Variants in DNAH1 observed in about 807,000 individuals in gnomAD.
DNAH1 encodes the protein dynein axonemal heavy chain 1, also known as axonemal beta dynein heavy chain 1.
In DNAH1, 327 loss-of-function variants were observed where a neutral mutation model predicts 484.3. The ratio of observed to expected loss-of-function variants is 0.68; its 90% CI spans 0.62 to 0.74. DNAH1 has a LOEUF of 0.74. Among genes scored for constraint, DNAH1 ranks in the 30% least tolerant of loss-of-function variants. The probability of loss-of-function intolerance (pLI) is 0.00; values close to 1 mark genes in which losing one functional copy is unlikely to be tolerated. For missense variants in DNAH1, 5,052 were observed against 5,546.8 expected (o/e 0.91, Z 2.83); for synonymous variants, 2,192 against 2,191.9 (o/e 1.00, Z 0.00).
intron 77 of DNAH1, 47 bp downstream of exon 77, chr3:52,399,826 A>G: frequency 6.3e-7 from 1 of 1,576,650 alleles, no homozygotes; most frequent in Non-Finnish European, 8.7e-7. Context: ...GGGACCCAGG[A>G]CTAACCCAGC....
Position 52,375,937 on chromosome 3 carries a change from T to C in DNAH1, c.7160-18T>C, listed in dbSNP as rs778102362. ...TCCACCTAACCCTGAGCCCCGTGTT[T>C]CTCCCTCCATCCTCTAGATGGACTC... On this transcript the variant is annotated intron_variant, in intron 45 of 77. Transcript: ENST00000420323. The C allele has an allele frequency of 1.2e-6, 2 of 1,611,638 alleles. No individual in the cohort carries two copies. The highest frequency in any genetic ancestry group is 1.7e-6 in the Non-Finnish European group (2 of 1,179,220).
In DNAH1 at chr3:52,373,873, G is replaced by A. The variant is rs533369838; in HGVS notation, c.6985+820G>A. On this transcript the variant is annotated intron_variant, in intron 44 of 77. Coordinates refer to ENST00000420323, the MANE Select transcript of DNAH1 (RefSeq NM_015512.5). Reference sequence around the variant, plus strand: ...CATATGTTTGCAGTTAACATGTTTCGAATATTACCACCTTCCTCCAATCCT... The same window carrying A: ...CATATGTTTGCAGTTAACATGTTTCAAATATTACCACCTTCCTCCAATCCT... 42 of 1,399,270 alleles carry A rather than the reference G, an allele frequency of 3.0e-5. 1 individual carries two copies. The Middle Eastern group carries it at 1.1e-3, about 36-fold the overall frequency. 86.7% of individuals were successfully genotyped at this position (1,399,270 alleles called of 1,614,324 possible).
rs1396955038 is a variant in DNAH1, at chr3:52,346,475, C to G, written c.1660C>G (p.Gln554Glu). 6.2e-7 allele frequency: 1 copy of G among 1,608,426 alleles called. No individual in the cohort carries two copies. Among genetic ancestry groups the G allele is most frequent in the Non-Finnish European group, 8.5e-7 (1 of 1,177,024 alleles). Reference protein sequence around the residue: ...QIQSQTFSQVQMFLKDSWISS... With the variant: ...QIQSQTFSQVEMFLKDSWISS... ...ATGATGCCTGTGGCCACTCTAGGTG[C>G]AGATGTTCCTCAAGGACAGCTGGAT... The change falls in exon 11 of 78, where the codon CAG (glutamine) becomes GAG (glutamate). Residue 554 changes from glutamine (Q) to glutamate (E), a missense_variant. Physicochemically the swap from Gln to Glu is conservative, Grantham distance 29. This residue lies in a region of DNAH1 where 1,263 missense variants were observed against 1,218.8 expected (regional missense o/e 1.04). Transcript: ENST00000420323.
Position 52,359,310 on chromosome 3 carries a change from A to C in DNAH1, c.4331A>C (p.Tyr1444Ser), listed in dbSNP as rs1443648868. Residue 1444 changes from tyrosine (Y) to serine (S), a missense_variant, in exon 26 of 78, where the codon TAC (tyrosine) becomes TCC (serine). By Grantham distance (144) the Tyr-to-Ser change is moderately radical. Transcript: ENST00000420323. ...GQVTIAGCQT[Y>S]WTMEVAEALE... ...GTGACCATCGCTGGGTGCCAGACCT[A>C]CTGGACCATGGAGGTGGCAGAGGCT... 1.3e-6 allele frequency: 2 copies of C among 1,569,414 alleles called. No homozygotes were observed. Among genetic ancestry groups the C allele is most frequent in the Admixed American group, 3.7e-5 (2 of 54,358 alleles).
chr3:52,360,425 G>A lies in DNAH1; in HGVS notation c.4685+1G>A. The A allele has an allele frequency of 6.2e-7, 1 of 1,612,188 alleles. No homozygotes were observed. Among genetic ancestry groups the A allele is most frequent in the Non-Finnish European group, 8.5e-7 (1 of 1,178,486 alleles). On this transcript the variant is annotated splice_donor_variant, in intron 28 of 77. Transcript: ENST00000420323. LOFTEE classifies it high-confidence loss of function. ...TGGTGATCACGCCCCTCACCGACAGGTAAGCGTTCCCCTCTTGCTCCTTCC... is the reference window on the plus strand; with the variant it reads ...TGGTGATCACGCCCCTCACCGACAGATAAGCGTTCCCCTCTTGCTCCTTCC...
At position 52,362,339 on chromosome 3, in the gene DNAH1, C is replaced by A. The variant is rs1302380222; in HGVS notation, c.4981-49C>A. On this transcript the variant is annotated intron_variant, in intron 30 of 77. Coordinates refer to ENST00000420323, the MANE Select transcript of DNAH1 (RefSeq NM_015512.5). The surrounding 1 kb of genome is among the most constrained non-coding windows in gnomAD (Gnocchi z 5.1). Reference sequence around the variant, plus strand: ...CAAGGGGCCCACTCAGAGGAGGGGACAAGGCTGGGCACCCTAGTCCCAGGC... The same window carrying A: ...CAAGGGGCCCACTCAGAGGAGGGGAAAAGGCTGGGCACCCTAGTCCCAGGC... 7 of 1,539,864 alleles carry A rather than the reference C, an allele frequency of 4.5e-6. No homozygotes were observed. The East Asian group carries it at 1.6e-4, about 35-fold the overall frequency.
At chr3:52,313,295 A>T (rs1037140673), upstream of DNAH1, among the ~76,000 whole-genome samples, 1 of 152,250 alleles carries the variant, frequency 6.6e-6, no homozygotes, top group Non-Finnish European at 1.5e-5. Context: ...CCTGCCTGCC[A>T]GCTCCCTGAT....
Position 52,379,866 on chromosome 3 carries a change from G to A in DNAH1, c.7378-39G>A. On this transcript the variant is annotated intron_variant, in intron 47 of 77. Transcript: ENST00000420323. This position sits in a 1 kb window ranked among gnomAD's most constrained non-coding sequence, Gnocchi z 4.4. ...TGGTTTGAGAGATAGCTGAGGGCTT[G>A]GGGGCCAAGGACAGGCACCGATGCT... 2 of 1,522,602 alleles carry A rather than the reference G, an allele frequency of 1.3e-6. No homozygotes were observed. Among genetic ancestry groups the A allele is most frequent in the Non-Finnish European group, 1.8e-6 (2 of 1,125,320 alleles). The allele number at this position is 1,522,602 out of a possible 1,614,324, so 94.3% of individuals were successfully genotyped here. A position where few individuals can be genotyped will look rare whatever the true frequency, so the allele number is the denominator to read the frequency against.
chr3:52,320,416 A>G (rs55965068), intron 1 of DNAH1, among the ~76,000 whole-genome samples: 29,574 of 152,206 alleles, frequency 0.19, 3,388 homozygotes, highest in African/African-American at 0.31. Flanking sequence ...TTTGGGCTGA[A>G]TGTCTGGGGC....
At chr3:52,356,364 C>G (rs1702608482) in intron 21 of DNAH1, among the ~76,000 whole-genome samples, 1 of 152,162 alleles carries the variant, frequency 6.6e-6, no homozygotes, top group African/African-American at 2.4e-5. Context: ...TCCCCCGGCT[C>G]CTTTGGAGGC....
At position 52,367,015 on chromosome 3, in the gene DNAH1, T is replaced by C. The variant is rs1703110199; in HGVS notation, c.5765+128T>C. On this transcript the variant is annotated intron_variant, in intron 36 of 77. Transcript: ENST00000420323. ...CTCTGCAGCCCAACGCTTGGGATTCTATTCTCCATTCTACTTCCTCGCTGA... is the reference window on the plus strand; with the variant it reads ...CTCTGCAGCCCAACGCTTGGGATTCCATTCTCCATTCTACTTCCTCGCTGA... 2.0e-5 allele frequency: 23 copies of C among 1,178,228 alleles called. No homozygotes were observed. The South Asian group carries it at 3.6e-4, about 18-fold the overall frequency. 73.0% of individuals were successfully genotyped at this position (1,178,228 alleles called of 1,614,324 possible).
chr3:52,374,323 C>T, intron 44 of DNAH1: 1 of 1,534,460 alleles, frequency 6.5e-7, no homozygotes, highest in Non-Finnish European at 9.0e-7. Flanking sequence ...TACCTTTGCA[C>T]AAAGTGAAAT....
At chr3:52,359,213 G>T in intron 25 of DNAH1, 33 bp from the exon 26 acceptor site, 1 of 1,553,860 alleles carries the variant, frequency 6.4e-7, no homozygotes, top group Non-Finnish European at 8.7e-7. Context: ...GGCTGCGGCT[G>T]TCCAGGTCAG....
At chr3:52,330,049 A>G (rs1578080652) in intron 6 of DNAH1, among the ~76,000 whole-genome samples, 3 of 152,204 alleles carry the variant, frequency 2.0e-5, no homozygotes, top group South Asian at 2.1e-4. Flanking sequence ...AGCTCAGGCA[A>G]TCCGCCCACC....
At position 52,364,205 on chromosome 3, in the gene DNAH1, G is replaced by A. The variant is rs931335472; in HGVS notation, c.5245-433G>A. ...TGTAATGAAGAGAAACAGGCTGGGG[G>A]AAAAAGCATGGTGGTGTGGCCAGAA... is the stretch of plus-strand genomic sequence containing the variant. On this transcript the variant is annotated intron_variant, in intron 32 of 77. Coordinates refer to ENST00000420323, the MANE Select transcript of DNAH1 (RefSeq NM_015512.5). The surrounding 1 kb of genome is among the most constrained non-coding windows in gnomAD (Gnocchi z 4.2). 1.3e-5 allele frequency among the ~76,000 whole-genome samples: 2 copies of A among 152,194 alleles called. No individual in the cohort carries two copies. The highest frequency in any genetic ancestry group is 2.9e-5 in the Non-Finnish European group (2 of 68,026).
intron 39 of DNAH1, 114 bp downstream of exon 39, chr3:52,370,343 A>G: frequency 6.5e-7 from 1 of 1,542,842 alleles, no homozygotes; most frequent in South Asian, 1.2e-5. Context: ...TGCAACATGG[A>G]CAAGACCACC....
intron 41 of DNAH1, among the ~76,000 whole-genome samples, chr3:52,371,406 A>G (rs1405338567): frequency 6.6e-6 from 1 of 152,228 alleles, no homozygotes; most frequent in Admixed American, 6.5e-5. Context: ...AGTGGGATGC[A>G]TTGGTTTGGC....
chr3:52,337,913 G>T (rs917688653), intron 8 of DNAH1, among the ~76,000 whole-genome samples: 1 of 152,116 alleles, frequency 6.6e-6, no homozygotes. Context: ...TCATACTTCA[G>T]CCTCCTGAGT....
Position 52,326,209 on chromosome 3 carries a change from G to A in DNAH1, c.476G>A (p.Arg159Gln), listed in dbSNP as rs530570673. ...MEQQCIGSTT[R>Q]LLAQTDFPLQ... ...CAGCAGTGCATCGGGTCCACCACCC[G>A]GCTGCTCGCCCAGACTGACTTCCCA... is the stretch of plus-strand genomic sequence containing the variant. Residue 159 changes from arginine to glutamine, a missense_variant, in exon 4 of 78, where the codon CGG (arginine) becomes CAG (glutamine). Physicochemically the swap from Arg to Gln is conservative, Grantham distance 43. Around this residue, in one of 4 missense-constraint regions of DNAH1, gnomAD observed 1,263 missense variants for 1,218.8 expected, o/e 1.04. Coordinates refer to ENST00000420323, the MANE Select transcript of DNAH1 (RefSeq NM_015512.5). 9.3e-6 allele frequency: 15 copies of A among 1,613,002 alleles called. No homozygotes were observed. The highest frequency in any genetic ancestry group is 1.7e-5 in the Admixed American group (1 of 59,932).
Sources: allele counts gnomAD v4.1 joint callset (sites outside exome capture counted in the v4.1 genomes callset), GRCh38; gene constraint gnomAD v4.1.1; regional missense constraint gnomAD v4.1.1; non-coding constraint Gnocchi (gnomAD v3.1); transcripts MANE v1.5; gene names NCBI Gene and HGNC (gene_info 2026-07-23, HGNC 2026-07-21).